Variants in PCDHGA10 observed in about 807,000 individuals in gnomAD.
The protein encoded by PCDHGA10 is protocadherin gamma subfamily A, 10, also known as protocadherin gamma-A10.
Under a neutral mutation model 59.5 loss-of-function variants are expected in PCDHGA10, and 42 were observed. That is an observed-to-expected ratio of 0.71 (90% CI 0.55 to 0.91). The LOEUF (loss-of-function observed/expected upper bound fraction) is 0.91. PCDHGA10 is among the 40% of genes least tolerant of loss of function. PCDHGA10 has a pLI of 0.00. For missense variants in PCDHGA10, 1,111 were observed against 1,198.2 expected, an observed-to-expected ratio of 0.93 and a Z score of 1.07; for synonymous variants, 511 against 517.2, an observed-to-expected ratio of 0.99 and a Z score of 0.16.
intron 1 of PCDHGA10, among the ~76,000 whole-genome samples, chr5:141,456,702 C>A (rs1185842343): frequency 6.6e-6 from 1 of 152,062 alleles, no homozygotes; most frequent in African/African-American, 2.4e-5. Flanking sequence ...TGGTGGCTCG[C>A]GCCTGTAATC....
At position 141,486,735 on chromosome 5, in the gene PCDHGA10, G is replaced by T; in HGVS notation, c.2437-8072G>T. 6.2e-7 allele frequency: 1 copy of T among 1,614,176 alleles called. No individual in the cohort carries two copies. The highest frequency in any genetic ancestry group is 1.1e-5 in the South Asian group (1 of 91,086). On this transcript the variant is annotated intron_variant, in intron 1 of 3. Coordinates refer to ENST00000398610, the MANE Select transcript of PCDHGA10 (RefSeq NM_018913.3). The surrounding 1 kb of genome is among the most constrained non-coding windows in gnomAD (Gnocchi z 5.0). Reference sequence around the variant, plus strand: ...CAGACAGGAGCTGTTCATGCTACTCGATCCTTTGACTATGAGCAAACCCAG... The same window carrying T: ...CAGACAGGAGCTGTTCATGCTACTCTATCCTTTGACTATGAGCAAACCCAG...
In PCDHGA10 at chr5:141,432,255, C is replaced by T. The variant is rs1561859576; in HGVS notation, c.2436+16644C>T. The T allele has an allele frequency of 6.2e-7, 1 of 1,614,246 alleles. No individual in the cohort carries two copies. The highest frequency in any genetic ancestry group is 8.5e-7 in the Non-Finnish European group (1 of 1,180,048). On this transcript the variant is annotated intron_variant, in intron 1 of 3. Transcript: ENST00000398610. This position sits in a 1 kb window ranked among gnomAD's most constrained non-coding sequence, Gnocchi z 6.0. The stretch of plus-strand genomic sequence containing the variant: ...CTGGCTGAGAACACCATCCAAGGGG[C>T]AAGCCTATCGTCCTACGTGTCCATC...
rs35821115 is a variant in PCDHGA10, at chr5:141,460,961, ATGTG to A, written c.2437-33826_2437-33823del. 3.6e-3 allele frequency among the ~76,000 whole-genome samples: 519 copies of A among 144,600 alleles called. 3 individuals carry two copies. The highest frequency in any genetic ancestry group is 4.3e-3 in the African/African-American group (168 of 38,712). The allele number at this position is 144,600 out of a possible 152,430, so 94.9% of individuals were successfully genotyped here. A position where few individuals can be genotyped will look rare whatever the true frequency, so the allele number is the denominator to read the frequency against. ...ATATATATGTATTATGTATATATAT[ATGTG>A]TGTGTGTGTGTGTGTGTGTATATAT... On this transcript the variant is annotated intron_variant, in intron 1 of 3. Transcript: ENST00000398610.
chr5:141,494,882 C>T lies in PCDHGA10; in HGVS notation c.2495+17C>T, dbSNP rs771484301. On this transcript the variant is annotated intron_variant, in intron 2 of 3. Transcript: ENST00000398610. ...CACCAGCGGGTAGGTGACTGATTCT[C>T]CAGCCCACCCTCTTCTCTGCGGCAT... is the stretch of plus-strand genomic sequence containing the variant. 35 of 1,614,128 alleles carry T rather than the reference C, an allele frequency of 2.2e-5. No homozygotes were observed. The highest frequency in any genetic ancestry group is 3.3e-4 in the Middle Eastern group (2 of 6,060).
intron 1 of PCDHGA10, among the ~76,000 whole-genome samples, chr5:141,449,921 C>T (rs2098659300): frequency 6.6e-6 from 1 of 151,648 alleles, no homozygotes; most frequent in African/African-American, 2.4e-5. Flanking sequence ...TTAAATTCTA[C>T]CATACCTTAT....
At position 141,476,789 on chromosome 5, in the gene PCDHGA10, T is replaced by C; in HGVS notation, c.2437-18018T>C. ...GTTGGACGGAGGGACCCCAGCTCTC[T>C]CCGCCAGCCTGCCTATTCACATCAA... On this transcript the variant is annotated intron_variant, in intron 1 of 3. Transcript: ENST00000398610. The surrounding 1 kb of genome is among the most constrained non-coding windows in gnomAD (Gnocchi z 7.6). 1.2e-6 allele frequency: 2 copies of C among 1,613,374 alleles called. No individual in the cohort carries two copies. The highest frequency in any genetic ancestry group is 4.5e-5 in the East Asian group (2 of 44,864).
intron 1 of PCDHGA10, among the ~76,000 whole-genome samples, chr5:141,459,160 T>C (rs1330588092): frequency 6.6e-6 from 1 of 152,228 alleles, no homozygotes; most frequent in African/African-American, 2.4e-5. Context: ...AGAACATTTC[T>C]ATAACCTTCA....
At position 141,414,717 on chromosome 5, in the gene PCDHGA10, C is replaced by T; in HGVS notation, c.1542C>T (p.Asp514=). 6.2e-7 allele frequency: 1 copy of T among 1,614,152 alleles called. No individual in the cohort carries two copies. The highest frequency in any genetic ancestry group is 8.5e-7 in the Non-Finnish European group (1 of 1,179,990). ...PLSSYISINS[D]TGVLYALRSF... ...CCTCATACATATCCATCAACTCAGA[C>T]ACTGGCGTCCTGTATGCACTCAGAT... Residue 514 remains aspartate, a synonymous_variant, in exon 1 of 4, where the codon GAC becomes GAT. Coordinates refer to ENST00000398610, the MANE Select transcript of PCDHGA10 (RefSeq NM_018913.3).
At position 141,413,648 on chromosome 5, in the gene PCDHGA10, TC is replaced by T; in HGVS notation, c.476del (p.Pro159ArgfsTer10). 1 of 1,613,820 alleles carries T rather than the reference TC, an allele frequency of 6.2e-7. No homozygotes were observed. The highest frequency in any genetic ancestry group is 8.5e-7 in the Non-Finnish European group (1 of 1,179,890). On this transcript the variant is annotated frameshift_variant, in exon 1 of 4. Coordinates refer to ENST00000398610, the MANE Select transcript of PCDHGA10 (RefSeq NM_018913.3). LOFTEE classifies it high-confidence loss of function. ...ENVAAGMRFP[L>X]PEAIDPDVGV... ...GTCGCTGCGGGAATGCGTTTTCCTCTCCCGGAAGCTATTGATCCGGATGTGG... is the reference window on the plus strand; with the variant it reads ...GTCGCTGCGGGAATGCGTTTTCCTCTCCGGAAGCTATTGATCCGGATGTGG...
intron 1 of PCDHGA10, chr5:141,427,525 CG>C (rs996050026): frequency 4.9e-6 from 3 of 612,098 alleles, no homozygotes; most frequent in Non-Finnish European, 9.2e-6. Flanking sequence ...GAGCGGATCC[CG>C]GAGTACAACG....
At chr5:141,439,774 T>G (rs1435214431) in intron 1 of PCDHGA10, 2 of 152,364 alleles carry the variant, frequency 1.3e-5, no homozygotes, top group East Asian at 3.9e-4. Context: ...CCTTCTTGGC[T>G]GGAGATTCTA....
Position 141,485,660 on chromosome 5 carries a change from G to A in PCDHGA10, c.2437-9147G>A. On this transcript the variant is annotated intron_variant, in intron 1 of 3. Transcript: ENST00000398610. The surrounding 1 kb of genome is among the most constrained non-coding windows in gnomAD (Gnocchi z 5.7). ...GGAAAAGGCTCAGGATGCAGATGTG[G>A]GGAGCAATTCGATTAGCAGCTATAG... is the stretch of plus-strand genomic sequence containing the variant. 1 of 1,612,716 alleles carries A rather than the reference G, an allele frequency of 6.2e-7. No individual in the cohort carries two copies. Among genetic ancestry groups the A allele is most frequent in the Non-Finnish European group, 8.5e-7 (1 of 1,178,898 alleles).
chr5:141,477,351 G>A lies in PCDHGA10; in HGVS notation c.2437-17456G>A. 6.2e-7 allele frequency: 1 copy of A among 1,614,126 alleles called. No homozygotes were observed. The highest frequency in any genetic ancestry group is 8.5e-7 in the Non-Finnish European group (1 of 1,180,018). On this transcript the variant is annotated intron_variant, in intron 1 of 3. Transcript: ENST00000398610. This position sits in a 1 kb window ranked among gnomAD's most constrained non-coding sequence, Gnocchi z 4.9. ...AAGAATTACTTCACTTTGAAAACCA[G>A]TGCAGACCTGGATCGGGAGACTGTG...
chr5:141,475,167 G>A (rs529813171), intron 1 of PCDHGA10, among the ~76,000 whole-genome samples: 4 of 152,042 alleles, frequency 2.6e-5, no homozygotes, highest in Admixed American at 6.6e-5. Flanking sequence ...CATTAGCAGT[G>A]CAACTTCTTG....
chr5:141,490,485 G>A lies in PCDHGA10; in HGVS notation c.2437-4322G>A. 3 of 1,614,202 alleles carry A rather than the reference G, an allele frequency of 1.9e-6. No individual in the cohort carries two copies. Among genetic ancestry groups the A allele is most frequent in the Middle Eastern group, 3.3e-4 (2 of 6,062 alleles). On this transcript the variant is annotated intron_variant, in intron 1 of 3. Coordinates refer to ENST00000398610, the MANE Select transcript of PCDHGA10 (RefSeq NM_018913.3). This position sits in a 1 kb window ranked among gnomAD's most constrained non-coding sequence, Gnocchi z 5.4. ...TAACCAGCCAGCCTTTGGACCGGGA[G>A]GCCACATCCCACTATATCATCGAGC... is the stretch of plus-strand genomic sequence containing the variant.
chr5:141,453,101 T>TTTTTGTTTTG (rs879618609), intron 1 of PCDHGA10, among the ~76,000 whole-genome samples: 1 of 152,012 alleles, frequency 6.6e-6, no homozygotes, highest in Non-Finnish European at 1.5e-5. Flanking sequence ...TTCTGTTGCT[T>TTTTTGTTTTG]TTTTGTTTTG....
chr5:141,478,624 T>C (rs1300260980), intron 1 of PCDHGA10: 3 of 1,554,196 alleles, frequency 1.9e-6, no homozygotes, highest in Non-Finnish European at 2.6e-6. Context: ...AATGGAGCTG[T>C]TTTTTTAGTG....
chr5:141,418,064 A>T, intron 1 of PCDHGA10: 1 of 1,614,006 alleles, frequency 6.2e-7, no homozygotes, highest in Non-Finnish European at 8.5e-7. Flanking sequence ...GCTGCGAGTG[A>T]GCGCGGAGAA....
chr5:141,462,372 C>A (rs2099038225), intron 1 of PCDHGA10, among the ~76,000 whole-genome samples: 1 of 152,096 alleles, frequency 6.6e-6, no homozygotes, highest in African/African-American at 2.4e-5. Flanking sequence ...AGTTTCTATT[C>A]TTTTAAATTC....
Sources: allele counts gnomAD v4.1 joint callset (sites outside exome capture counted in the v4.1 genomes callset), GRCh38; gene constraint gnomAD v4.1.1; non-coding constraint Gnocchi (gnomAD v3.1); transcripts MANE v1.5; gene names NCBI Gene and HGNC (gene_info 2026-07-23, HGNC 2026-07-21).